Variants in NELL1 observed in about 807,000 individuals in gnomAD.
NELL1 encodes neural EGFL like 1, also known as protein kinase C-binding protein NELL1.
In NELL1, 76 loss-of-function variants were observed where a neutral mutation model predicts 107.4. That is an observed-to-expected ratio of 0.71 (90% CI 0.59 to 0.86). The LOEUF is 0.86. Among genes scored for constraint, NELL1 ranks in the 40% least tolerant of loss-of-function variants. The pLI is 0.00. For synonymous variants in NELL1, 353 were observed against 341.2 expected, an observed-to-expected ratio of 1.03 and a Z score of -0.38; for missense variants, 1,024 against 1,005.5, an observed-to-expected ratio of 1.02 and a Z score of -0.25.
At chr11:20,690,414 A>C (rs1172638337) in intron 2 of NELL1, among the ~76,000 whole-genome samples, 10 of 152,148 alleles carry the variant, frequency 6.6e-5, no homozygotes, top group Non-Finnish European at 1.0e-4. Context: ...TTATGGTTTT[A>C]GGTCTAATGT....
intron 12 of NELL1, among the ~76,000 whole-genome samples, chr11:21,098,074 A>G (rs1854695748): frequency 6.6e-6 from 1 of 151,804 alleles, no homozygotes; most frequent in South Asian, 2.1e-4. Flanking sequence ...AAAGACATTC[A>G]AGGTCTGCCT....
chr11:21,116,497 C>T (rs1049008452), intron 13 of NELL1, among the ~76,000 whole-genome samples: 3 of 151,992 alleles, frequency 2.0e-5, no homozygotes, highest in African/African-American at 7.2e-5. Flanking sequence ...TTGACATGTA[C>T]ACATAGATGC....
intron 12 of NELL1, among the ~76,000 whole-genome samples, chr11:20,975,330 G>T (rs1386017398): frequency 6.6e-6 from 1 of 151,620 alleles, no homozygotes; most frequent in Non-Finnish European, 1.5e-5. Flanking sequence ...CTTCCTTTTT[G>T]TGTTCTTTAA....
At chr11:21,334,144 T>C (rs928662237) in intron 14 of NELL1, among the ~76,000 whole-genome samples, 1 of 151,992 alleles carries the variant, frequency 6.6e-6, no homozygotes, top group Non-Finnish European at 1.5e-5. Context: ...ATTCCTACCT[T>C]CAAGGAACGT....
chr11:20,900,746 G>A (rs1236936401), intron 5 of NELL1, among the ~76,000 whole-genome samples: 5 of 152,048 alleles, frequency 3.3e-5, no homozygotes, highest in African/African-American at 1.2e-4. Context: ...CTGTTTATTA[G>A]CAGAGTGTAT....
At chr11:20,798,594 G>C (rs1476144230) in intron 3 of NELL1, among the ~76,000 whole-genome samples, 5 of 152,160 alleles carry the variant, frequency 3.3e-5, no homozygotes, top group Non-Finnish European at 7.4e-5. Context: ...TTGGTTCTGT[G>C]GTGAGAAATG....
intron 2 of NELL1, among the ~76,000 whole-genome samples, chr11:20,712,666 T>C (rs1011869485): frequency 1.3e-5 from 2 of 152,210 alleles, no homozygotes; most frequent in Non-Finnish European, 2.9e-5. Flanking sequence ...TCCCATGGGG[T>C]GATCCCTTGA....
chr11:21,336,688 C>CACACACACACACACACAT (rs1229656676), intron 14 of NELL1, among the ~76,000 whole-genome samples: 12 of 150,134 alleles, frequency 8.0e-5, no homozygotes, highest in African/African-American at 2.7e-4. Context: ...CACACACACA[C>CACACACACACACACACAT]ACATTAAACA....
chr11:21,439,096 T>G (rs1175717152), intron 15 of NELL1, among the ~76,000 whole-genome samples: 1 of 151,158 alleles, frequency 6.6e-6, no homozygotes, highest in Non-Finnish European at 1.5e-5. Context: ...AAGGTGAAGG[T>G]GGGTGTTTGA....
At chr11:21,220,236 A>ATT (rs1348929500) in intron 13 of NELL1, among the ~76,000 whole-genome samples, 1 of 152,148 alleles carries the variant, frequency 6.6e-6, no homozygotes, top group Non-Finnish European at 1.5e-5. Flanking sequence ...TTTTTATGCC[A>ATT]GTATCATGCT....
intron 14 of NELL1, among the ~76,000 whole-genome samples, chr11:21,235,190 T>C (rs1036381668): frequency 6.6e-6 from 1 of 152,132 alleles, no homozygotes; most frequent in Non-Finnish European, 1.5e-5. Context: ...GAAAGAATGA[T>C]GAGGGGCAAG....
chr11:20,674,412 G>C, intron 1 of NELL1: 1 of 1,131,480 alleles, frequency 8.8e-7, no homozygotes, highest in East Asian at 2.6e-5. Context: ...TAGTTTCCCC[G>C]AGTCCTCATG....
chr11:21,302,928 G>A (rs753727363), intron 14 of NELL1, among the ~76,000 whole-genome samples: 6 of 151,784 alleles, frequency 4.0e-5, no homozygotes, highest in Admixed American at 1.3e-4. Context: ...TGGCATGGCA[G>A]CACATGCCTG....
chr11:21,004,691 T>C (rs995842846), intron 12 of NELL1, among the ~76,000 whole-genome samples: 9 of 152,138 alleles, frequency 5.9e-5, no homozygotes, highest in African/African-American at 2.2e-4. Flanking sequence ...GTGCTAAGAT[T>C]ATGTTAAGAT....
chr11:21,246,856 A>G (rs1858505931), intron 14 of NELL1, among the ~76,000 whole-genome samples: 1 of 152,192 alleles, frequency 6.6e-6, no homozygotes, highest in Admixed American at 6.6e-5. Context: ...GCCAGAGAGG[A>G]GAAATCTCTT....
intron 16 of NELL1, among the ~76,000 whole-genome samples, chr11:21,557,066 A>G (rs1211983543): frequency 1.3e-5 from 2 of 151,942 alleles, no homozygotes; most frequent in East Asian, 3.9e-4. Context: ...TATGTATAAT[A>G]GATTAAGTTG....
intron 18 of NELL1, among the ~76,000 whole-genome samples, chr11:21,571,388 A>G (rs1216995766): frequency 6.6e-6 from 1 of 151,896 alleles, no homozygotes; most frequent in Non-Finnish European, 1.5e-5. Flanking sequence ...GTCCTCCCAC[A>G]TACTAGCTTA....
intron 5 of NELL1, among the ~76,000 whole-genome samples, chr11:20,895,561 A>G (rs1185771155): frequency 7.8e-6 from 1 of 127,598 alleles, no homozygotes; most frequent in Non-Finnish European, 1.6e-5. Context: ...GCTGGAGTGC[A>G]GTGGCGCGAT....
chr11:20,801,129 TG>T (rs1857273575), intron 3 of NELL1, among the ~76,000 whole-genome samples: 1 of 152,238 alleles, frequency 6.6e-6, no homozygotes. Context: ...CAATTGCTGC[TG>T]TGTGGTTTCC....
Sources: allele counts gnomAD v4.1 joint callset (sites outside exome capture counted in the v4.1 genomes callset), GRCh38; gene constraint gnomAD v4.1.1; transcripts MANE v1.5; gene names NCBI Gene and HGNC (gene_info 2026-07-23, HGNC 2026-07-21).